FAM107B: variants seen among roughly 807,000 people sequenced by gnomAD.
FAM107B encodes the protein family with sequence similarity 107 member B.
In FAM107B, 21 loss-of-function variants were observed where a neutral mutation model predicts 31.5. The observed-to-expected ratio is 0.67, with a 90% CI of 0.47 to 0.96. The LOEUF is 0.96. FAM107B is among the 40% of genes least tolerant of loss of function. The probability of loss-of-function intolerance (pLI) is 0.00; values close to 1 mark genes in which losing one functional copy is unlikely to be tolerated. For synonymous variants in FAM107B, 157 were observed against 141.5 expected (o/e 1.11, Z -0.78); for missense variants, 452 against 377.1 (o/e 1.20, Z -1.64).
chr10:14,631,405 T>A (rs367936453), intron 2 of FAM107B, among the ~76,000 whole-genome samples: 1 of 152,206 alleles, frequency 6.6e-6, no homozygotes, highest in South Asian at 2.1e-4. Flanking sequence ...GGTTATCTGT[T>A]TAAACAGAAG....
At chr10:14,758,212 C>T (rs1440560858) in intron 1 of FAM107B, among the ~76,000 whole-genome samples, 1 of 152,182 alleles carries the variant, frequency 6.6e-6, no homozygotes, top group East Asian at 1.9e-4. Flanking sequence ...CCTGACTTGA[C>T]AAAGCAATGG....
chr10:14,561,508 G>A (rs1010480749), intron 2 of FAM107B, among the ~76,000 whole-genome samples: 7 of 152,330 alleles, frequency 4.6e-5, no homozygotes, highest in African/African-American at 1.2e-4. Context: ...TAGGGACAGC[G>A]AAGAGGCCTG....
intron 2 of FAM107B, chr10:14,604,121 ACCCGCCCGGCCG>A (rs1852503107): frequency 5.9e-6 from 1 of 169,372 alleles, no homozygotes; most frequent in Non-Finnish European, 9.8e-6. Context: ...GGGACCCCCC[ACCCGCCCGGCCG>A]CCCGCCCGCC....
At chr10:14,708,200 C>T (rs547556020) in intron 1 of FAM107B, among the ~76,000 whole-genome samples, 16 of 152,318 alleles carry the variant, frequency 1.1e-4, no homozygotes, top group Admixed American at 2.6e-4. Flanking sequence ...TTCTCAGCCT[C>T]CCTGGTAGCT....
chr10:14,697,168 G>A (rs777982557), intron 1 of FAM107B, among the ~76,000 whole-genome samples: 2 of 152,182 alleles, frequency 1.3e-5, no homozygotes, highest in East Asian at 1.9e-4. Context: ...GTGCAAGGAC[G>A]TAAAAATCTC....
At chr10:14,673,186 T>C (rs555714822) in intron 1 of FAM107B, among the ~76,000 whole-genome samples, 2 of 152,324 alleles carry the variant, frequency 1.3e-5, no homozygotes, top group East Asian at 3.9e-4. Context: ...CAATAAATTA[T>C]TGTTAACTAG....
intron 1 of FAM107B, among the ~76,000 whole-genome samples, chr10:14,696,758 G>C (rs935223272): frequency 6.6e-6 from 1 of 152,162 alleles, no homozygotes; most frequent in African/African-American, 2.4e-5. Context: ...CTCAAACTCA[G>C]CAGATGCTTC....
chr10:14,624,599 G>A (rs1275925728), intron 2 of FAM107B, among the ~76,000 whole-genome samples: 3 of 151,904 alleles, frequency 2.0e-5, no homozygotes, highest in Non-Finnish European at 4.4e-5. Flanking sequence ...TCCTGCCGGT[G>A]CACACCAGCC....
chr10:14,625,868 T>TAA (rs58736805), intron 2 of FAM107B, among the ~76,000 whole-genome samples: 2 of 108,914 alleles, frequency 1.8e-5, no homozygotes, highest in Non-Finnish European at 1.7e-5. Flanking sequence ...GCTCATGGAT[T>TAA]AAAAAAAAAA....
At chr10:14,729,372 G>T (rs1319574909) in intron 1 of FAM107B, among the ~76,000 whole-genome samples, 1 of 152,134 alleles carries the variant, frequency 6.6e-6, no homozygotes, top group South Asian at 2.1e-4. Context: ...GCTGCCCAAG[G>T]TCATTGCTAT....
intron 1 of FAM107B, among the ~76,000 whole-genome samples, chr10:14,761,641 C>T (rs948831395): frequency 2.0e-5 from 3 of 151,944 alleles, no homozygotes; most frequent in African/African-American, 7.3e-5. Context: ...GGTCTGTCAC[C>T]CAGGCTGGAG....
chr10:14,611,046 T>A (rs717068), intron 2 of FAM107B, among the ~76,000 whole-genome samples: 1 of 151,946 alleles, frequency 6.6e-6, no homozygotes, highest in Non-Finnish European at 1.5e-5. Flanking sequence ...GAGAAACAGC[T>A]GTTACTCACA....
At chr10:14,616,453 T>C (rs1036799278) in intron 2 of FAM107B, among the ~76,000 whole-genome samples, 1 of 152,192 alleles carries the variant, frequency 6.6e-6, no homozygotes, top group Non-Finnish European at 1.5e-5. Context: ...TGAGCTGTAA[T>C]CACACCAAGA....
At chr10:14,699,989 GT>G (rs1429742220) in intron 1 of FAM107B, among the ~76,000 whole-genome samples, 2 of 152,170 alleles carry the variant, frequency 1.3e-5, no homozygotes, top group Non-Finnish European at 2.9e-5. Context: ...CTAGAATGCA[GT>G]GGCGCAATCT....
chr10:14,710,272 C>G, intron 1 of FAM107B, among the ~76,000 whole-genome samples: 1 of 151,998 alleles, frequency 6.6e-6, no homozygotes, highest in African/African-American at 2.4e-5. Flanking sequence ...CATAGTCAGA[C>G]TCCATCTCTA....
intron 2 of FAM107B, among the ~76,000 whole-genome samples, chr10:14,575,242 C>T (rs1461695861): frequency 6.6e-6 from 1 of 151,188 alleles, no homozygotes; most frequent in Non-Finnish European, 1.5e-5. Flanking sequence ...CTCGCTCTAT[C>T]GCCCAGGCTG....
intron 2 of FAM107B, among the ~76,000 whole-genome samples, chr10:14,589,573 T>A (rs192209438): frequency 1.3e-5 from 2 of 152,086 alleles, no homozygotes; most frequent in African/African-American, 4.8e-5. Flanking sequence ...ACAGTAATAA[T>A]AATAACAAGG....
intron 2 of FAM107B, among the ~76,000 whole-genome samples, chr10:14,572,736 A>ATATATATAT (rs1455058375): frequency 6.8e-4 from 59 of 86,454 alleles, no homozygotes; most frequent in African/African-American, 2.1e-3. Flanking sequence ...AAAAAAAAAA[A>ATATATATAT]ATTTATATAT....
chr10:14,572,387 G>C (rs895046301), intron 2 of FAM107B: 1 of 985,234 alleles, frequency 1.0e-6, no homozygotes, highest in African/African-American at 1.7e-5. Flanking sequence ...GGAAGCATGC[G>C]TGAGTCAACC....
Sources: allele counts gnomAD v4.1 joint callset (sites outside exome capture counted in the v4.1 genomes callset), GRCh38; gene constraint gnomAD v4.1.1; transcripts MANE v1.5; gene names NCBI Gene and HGNC (gene_info 2026-07-23, HGNC 2026-07-21).